The following TYW3 variants were observed in gnomAD, a reference collection of about 807,000 sequenced individuals.
The protein encoded by TYW3 is tRNA wybutosine-synthesizing protein 3 homolog.
In TYW3, 26 loss-of-function variants were observed where a neutral mutation model predicts 23.1. The ratio of observed to expected loss-of-function variants is 1.13; its 90% CI spans 0.83 to 1.56. The LOEUF (loss-of-function observed/expected upper bound fraction) is 1.56, where lower values mean the gene tolerates loss of function less well. TYW3 is among the 40% of genes most tolerant of loss of function. The pLI is 0.00. For synonymous variants in TYW3, 102 were observed against 105.7 expected (o/e 0.97, Z 0.21); for missense variants, 316 against 311.9 (o/e 1.01, Z -0.10).
chr1:74,754,301 T>C (rs1247674483), intron 5 of TYW3, among the ~76,000 whole-genome samples: 3 of 152,184 alleles, frequency 2.0e-5, no homozygotes, highest in Admixed American at 1.3e-4. Flanking sequence ...TTAAATCCAT[T>C]GACTCAAAAA....
intron 3 of TYW3, among the ~76,000 whole-genome samples, chr1:74,746,631 G>T (rs1000271426): frequency 6.6e-6 from 1 of 152,172 alleles, no homozygotes; most frequent in African/African-American, 2.4e-5. Flanking sequence ...TTGTATTCTA[G>T]GGGACAGAGG....
chr1:74,734,391 T>A (rs1648057956), intron 1 of TYW3, among the ~76,000 whole-genome samples: 1 of 152,160 alleles, frequency 6.6e-6, no homozygotes, highest in Non-Finnish European at 1.5e-5. Flanking sequence ...TTATTTTACT[T>A]AATAATGGCC....
At chr1:74,736,515 C>T in intron 1 of TYW3, 27 bp from the exon 2 acceptor site, 1 of 1,525,010 alleles carries the variant, frequency 6.6e-7, no homozygotes, top group Non-Finnish European at 8.9e-7. Context: ...TTATATGAAA[C>T]TTAAATTATG....
chr1:74,752,907 T>C lies in TYW3; in HGVS notation c.560+482T>C, dbSNP rs531361538. 2.1e-5 allele frequency among the ~76,000 whole-genome samples: 3 copies of C among 145,850 alleles called. No individual in the cohort carries two copies. The South Asian group carries it at 6.4e-4, about 31-fold the overall frequency. ...AGGCTAGTTTAATACCAAACTCTTG[T>C]CATGGATTAGATCTAGAATTGCCAT... On this transcript the variant is annotated intron_variant, in intron 5 of 5. Transcript: ENST00000370867.
At chr1:74,744,385 G>GA (rs942759209) in intron 3 of TYW3, among the ~76,000 whole-genome samples, 98 of 145,704 alleles carry the variant, frequency 6.7e-4, no homozygotes, top group African/African-American at 1.2e-3. Flanking sequence ...CTGTGATGCA[G>GA]AAAAAAAAAA....
At chr1:74,763,702 C>A (rs1367141908) in intron 5 of TYW3, among the ~76,000 whole-genome samples, 192 bp from the exon 6 acceptor site, 1 of 152,036 alleles carries the variant, frequency 6.6e-6, no homozygotes, top group Non-Finnish European at 1.5e-5. Flanking sequence ...GATTCCAATC[C>A]AGTTTTCAGG....
Position 74,743,783 on chromosome 1 carries a change from A to G in TYW3, c.355-4968A>G, listed in dbSNP as rs192511937. On this transcript the variant is annotated intron_variant, in intron 3 of 5. Coordinates refer to ENST00000370867, the MANE Select transcript of TYW3 (RefSeq NM_138467.3). ...CATTTACTTGACTGAGATATCAGGT[A>G]TCTCCAAACTCTCGGGCTGCAGCTA... Among the ~76,000 whole-genome samples the G allele has an allele frequency of 1.1e-3, 175 of 152,248 alleles. 1 individual carries two copies. Among genetic ancestry groups the G allele is most frequent in the African/African-American group, 3.9e-3 (161 of 41,538 alleles).
chr1:74,764,280 C>T lies in TYW3; in HGVS notation c.*167C>T. On this transcript the variant is annotated 3_prime_UTR_variant, in exon 6 of 6. Coordinates refer to ENST00000370867, the MANE Select transcript of TYW3 (RefSeq NM_138467.3). ...TGTTGCCCAGAGGATGTGCAGTTGT[C>T]ATCTAAGCTCTCAGCAGTACCCGGC... 1.7e-6 allele frequency: 1 copy of T among 577,176 alleles called. No individual in the cohort carries two copies. Among genetic ancestry groups the T allele is most frequent in the Non-Finnish European group, 3.0e-6 (1 of 337,636 alleles). 35.8% of individuals were successfully genotyped at this position (577,176 alleles called of 1,614,324 possible). A position where few individuals can be genotyped will look rare whatever the true frequency, so the allele number is the denominator to read the frequency against.
chr1:74,758,640 T>C (rs1355376472), intron 5 of TYW3, among the ~76,000 whole-genome samples: 2 of 140,194 alleles, frequency 1.4e-5, no homozygotes, highest in African/African-American at 5.4e-5. Context: ...CTTATCGTCA[T>C]TTACCAGCCA....
chr1:74,739,906 T>C (rs28740807), intron 3 of TYW3, among the ~76,000 whole-genome samples: 30,485 of 152,082 alleles, frequency 0.2, 4,294 homozygotes, highest in East Asian at 0.71. Flanking sequence ...AATTGTAAGG[T>C]TGTCTGGGGA....
intron 5 of TYW3, among the ~76,000 whole-genome samples, chr1:74,757,616 G>A (rs1225008786): frequency 2.6e-5 from 4 of 152,206 alleles, no homozygotes; most frequent in African/African-American, 9.7e-5. Context: ...ATAGGCAGAA[G>A]GGACTTGCCT....
rs959305452 is a variant in TYW3, at chr1:74,737,278, C to T, written c.255+656C>T. 2.0e-5 allele frequency among the ~76,000 whole-genome samples: 3 copies of T among 152,150 alleles called. No homozygotes were observed. The East Asian group carries it at 5.8e-4, about 29-fold the overall frequency. On this transcript the variant is annotated intron_variant, in intron 2 of 5. Coordinates refer to ENST00000370867, the MANE Select transcript of TYW3 (RefSeq NM_138467.3). ...ATCTTCATCTTTAGGCACTGGTTCT[C>T]TTTGCAGTGTGCCTTTATTCTCTTC...
At chr1:74,744,845 G>A (rs896341152) in intron 3 of TYW3, among the ~76,000 whole-genome samples, 11 of 152,276 alleles carry the variant, frequency 7.2e-5, no homozygotes, top group East Asian at 3.9e-4. Flanking sequence ...GCTGACTTCC[G>A]GAGTGAAGCC....
intron 3 of TYW3, among the ~76,000 whole-genome samples, chr1:74,746,311 G>A (rs978422064): frequency 8.5e-5 from 13 of 152,210 alleles, no homozygotes; most frequent in Non-Finnish European, 5.9e-5. Flanking sequence ...AAAACATGGT[G>A]TTTAATCATT....
At chr1:74,761,071 T>G (rs1570083117) in intron 5 of TYW3, among the ~76,000 whole-genome samples, 1 of 152,156 alleles carries the variant, frequency 6.6e-6, no homozygotes, top group Non-Finnish European at 1.5e-5. Flanking sequence ...TACTTTTTTT[T>G]TTTTTTCCTT....
intron 5 of TYW3, among the ~76,000 whole-genome samples, chr1:74,756,145 G>T (rs565346343): frequency 3.9e-5 from 6 of 152,110 alleles, no homozygotes; most frequent in Non-Finnish European, 8.8e-5. Context: ...GCCCGGTCTC[G>T]GGTATGTCTT....
intron 1 of TYW3, 63 bp downstream of exon 1, chr1:74,733,481 C>G (rs545991798): frequency 1.3e-6 from 2 of 1,585,778 alleles, no homozygotes; most frequent in East Asian, 2.3e-5. Flanking sequence ...GAGCCCTGTT[C>G]CCATCCAGTG....
At chr1:74,743,975 G>A (rs574954007) in intron 3 of TYW3, among the ~76,000 whole-genome samples, 2 of 152,222 alleles carry the variant, frequency 1.3e-5, no homozygotes, top group South Asian at 2.1e-4. Flanking sequence ...AATCAGAGAG[G>A]GAGAAGGAGA....
At chr1:74,735,241 T>C (rs1195535964) in intron 1 of TYW3, among the ~76,000 whole-genome samples, 1 of 152,256 alleles carries the variant, frequency 6.6e-6, no homozygotes, top group Non-Finnish European at 1.5e-5. Flanking sequence ...TCAACCTTTT[T>C]TTCATTGCTT....
Sources: gnomAD v4.1 joint callset for allele counts (sites outside exome capture counted in the v4.1 genomes callset) on GRCh38, gnomAD v4.1.1 for gene constraint, MANE v1.5 for transcripts, NCBI Gene and HGNC (gene_info 2026-07-23, HGNC 2026-07-21) for gene names.